Variants in SNTG1 observed in about 807,000 individuals in gnomAD.
The protein encoded by SNTG1 is gamma-1-syntrophin.
Under a neutral mutation model 74.7 loss-of-function variants are expected in SNTG1, and 39 were observed. That is an observed-to-expected ratio of 0.52 (90% CI 0.40 to 0.68). The LOEUF (loss-of-function observed/expected upper bound fraction) is 0.68, where lower values mean the gene tolerates loss of function less well. SNTG1 is among the 30% of genes least tolerant of loss of function. The probability of loss-of-function intolerance (pLI) is 0.00; values close to 1 mark genes in which losing one functional copy is unlikely to be tolerated. For synonymous variants in SNTG1, 254 were observed against 217.1 expected (o/e 1.17, Z -1.49); for missense variants, 685 against 609.5 (o/e 1.12, Z -1.30).
At chr8:50,700,520 G>T (rs1013985190) in intron 15 of SNTG1, among the ~76,000 whole-genome samples, 5 of 151,982 alleles carry the variant, frequency 3.3e-5, no homozygotes, top group African/African-American at 9.7e-5. Context: ...AGTCTATGCT[G>T]CCCCCTTCTC....
chr8:50,629,554 C>G (rs1292735521), intron 13 of SNTG1, among the ~76,000 whole-genome samples: 1 of 151,868 alleles, frequency 6.6e-6, no homozygotes, highest in African/African-American at 2.4e-5. Context: ...ATGGTGTTTG[C>G]TAATCTTGTA....
intron 2 of SNTG1, among the ~76,000 whole-genome samples, chr8:50,334,455 T>A (rs2091072284): frequency 6.6e-6 from 1 of 151,904 alleles, no homozygotes. Flanking sequence ...CCTGTAATTG[T>A]CCTGTTCTGC....
At chr8:50,376,297 A>T (rs1317818113) in intron 2 of SNTG1, among the ~76,000 whole-genome samples, 1 of 152,140 alleles carries the variant, frequency 6.6e-6, no homozygotes, top group African/African-American at 2.4e-5. Flanking sequence ...TAAAACTTGA[A>T]CCAGACTCTT....
intron 13 of SNTG1, among the ~76,000 whole-genome samples, chr8:50,642,022 A>T (rs182613855): frequency 6.6e-6 from 1 of 152,120 alleles, no homozygotes; most frequent in Non-Finnish European, 1.5e-5. Context: ...CGTATTTTCT[A>T]TTTCTTTCTA....
chr8:50,570,568 TTA>T (rs2094543011), intron 12 of SNTG1, among the ~76,000 whole-genome samples: 1 of 47,606 alleles, frequency 2.1e-5, no homozygotes, highest in African/African-American at 9.2e-5. Flanking sequence ...TTATTTTTTA[TTA>T]TTATTATTAT....
At chr8:50,776,297 A>G (rs2095640597) in intron 18 of SNTG1, among the ~76,000 whole-genome samples, 1 of 150,300 alleles carries the variant, frequency 6.7e-6, no homozygotes, top group Non-Finnish European at 1.5e-5. Flanking sequence ...TAAATTTTGT[A>G]TATATCTTCA....
intron 2 of SNTG1, among the ~76,000 whole-genome samples, chr8:50,386,072 C>A (rs2092569546): frequency 6.6e-6 from 1 of 152,202 alleles, no homozygotes; most frequent in Non-Finnish European, 1.5e-5. Context: ...TAATGGCATC[C>A]ATTTGGCCTT....
At chr8:50,662,700 G>A (rs2095230535) in intron 15 of SNTG1, among the ~76,000 whole-genome samples, 1 of 152,012 alleles carries the variant, frequency 6.6e-6, no homozygotes, top group Non-Finnish European at 1.5e-5. Context: ...ACTGATGAGA[G>A]AGCAAAGGTT....
intron 1 of SNTG1, among the ~76,000 whole-genome samples, chr8:50,156,987 A>C (rs1299478448): frequency 6.6e-6 from 1 of 152,150 alleles, no homozygotes; most frequent in Non-Finnish European, 1.5e-5. Flanking sequence ...GCAGTTTTTC[A>C]TATCTAAATT....
chr8:50,294,236 G>A (rs2089261117), intron 2 of SNTG1, among the ~76,000 whole-genome samples: 1 of 152,122 alleles, frequency 6.6e-6, no homozygotes, highest in Admixed American at 6.6e-5. Context: ...ATGTCAAATA[G>A]ACCAGTAAGA....
intron 1 of SNTG1, among the ~76,000 whole-genome samples, chr8:50,085,001 C>A (rs891237538): frequency 6.6e-6 from 1 of 151,990 alleles, no homozygotes; most frequent in African/African-American, 2.4e-5. Flanking sequence ...GAAACAAAAA[C>A]AACATGTTTG....
At chr8:50,598,712 A>T (rs2094749789) in intron 13 of SNTG1, among the ~76,000 whole-genome samples, 1 of 152,016 alleles carries the variant, frequency 6.6e-6, no homozygotes, top group Non-Finnish European at 1.5e-5. Context: ...CCATGAACAC[A>T]GACTACCTTT....
rs149964361 is a variant in SNTG1 at position 50,625,968 on chromosome 8, G to T, written c.850-30941G>T. Among the ~76,000 whole-genome samples, 233 of 152,252 alleles carry T rather than the reference G, an allele frequency of 1.5e-3. 1 individual carries two copies. The highest frequency in any genetic ancestry group is 5.4e-3 in the African/African-American group (223 of 41,558). ...CTTTCCTTCCCAGTGAGACTATGGT[G>T]GTGGATTTTTTTACACAGCCAAAAG... On this transcript the variant is annotated intron_variant, in intron 13 of 18. Coordinates refer to ENST00000642720, the MANE Select transcript of SNTG1 (RefSeq NM_018967.5).
intron 1 of SNTG1, among the ~76,000 whole-genome samples, chr8:49,999,929 G>T (rs578241727): frequency 2.0e-5 from 3 of 152,186 alleles, no homozygotes; most frequent in African/African-American, 7.2e-5. Flanking sequence ...TTTGTTTCCT[G>T]TTGTATTCCC....
chr8:50,669,831 A>G (rs1420392672), intron 15 of SNTG1, among the ~76,000 whole-genome samples: 1 of 152,208 alleles, frequency 6.6e-6, no homozygotes. Flanking sequence ...CACATCAAAA[A>G]GCTTATCCAC....
chr8:49,969,354 T>C (rs1342237136), intron 1 of SNTG1, among the ~76,000 whole-genome samples: 1 of 150,678 alleles, frequency 6.6e-6, no homozygotes, highest in African/African-American at 2.5e-5. Context: ...ACAAAAATTC[T>C]CAAAAGCAAA....
intron 8 of SNTG1, among the ~76,000 whole-genome samples, chr8:50,481,729 C>T (rs947914042): frequency 6.6e-6 from 1 of 152,148 alleles, no homozygotes; most frequent in Non-Finnish European, 1.5e-5. Flanking sequence ...AAGTTATGTA[C>T]TTCTACTTAT....
At chr8:50,630,271 G>T (rs1281575154) in intron 13 of SNTG1, among the ~76,000 whole-genome samples, 1 of 152,122 alleles carries the variant, frequency 6.6e-6, no homozygotes, top group Non-Finnish European at 1.5e-5. Flanking sequence ...AAGAGAGAAA[G>T]AGAAAGAAAG....
At chr8:50,109,678 C>T (rs907880494) in intron 1 of SNTG1, among the ~76,000 whole-genome samples, 2 of 152,118 alleles carry the variant, frequency 1.3e-5, no homozygotes, top group Admixed American at 6.6e-5. Flanking sequence ...GGGAGATCCT[C>T]GGTTCTTGGT....
Sources: allele counts gnomAD v4.1 joint callset (sites outside exome capture counted in the v4.1 genomes callset), GRCh38; gene constraint gnomAD v4.1.1; transcripts MANE v1.5; gene names NCBI Gene and HGNC (gene_info 2026-07-23, HGNC 2026-07-21).